Variants in RASGRP3 observed in about 807,000 individuals in gnomAD.
RASGRP3 encodes ras guanyl-releasing protein 3.
RASGRP3 carries 54 observed loss-of-function variants against 82.7 expected under a neutral mutation model. The observed-to-expected ratio is 0.65, with a 90% CI of 0.52 to 0.82. RASGRP3 has a LOEUF of 0.82. RASGRP3 is among the 40% of genes least tolerant of loss of function. The pLI is 0.00. For missense variants in RASGRP3, 861 were observed against 828.9 expected (o/e 1.04, Z -0.48); for synonymous variants, 309 against 300.5 (o/e 1.03, Z -0.29).
At chr2:33,544,610 A>T (rs1335118553) in intron 13 of RASGRP3, among the ~76,000 whole-genome samples, 1 of 152,186 alleles carries the variant, frequency 6.6e-6, no homozygotes, top group Non-Finnish European at 1.5e-5. Flanking sequence ...AATCACCTGT[A>T]AGGAAATGCT....
chr2:33,518,323 G>A (rs1671656476), intron 4 of RASGRP3, among the ~76,000 whole-genome samples: 1 of 152,148 alleles, frequency 6.6e-6, no homozygotes, highest in African/African-American at 2.4e-5. Context: ...TCTAAACATA[G>A]AAAAGGTGCA....
At chr2:33,490,570 T>C (rs1260101615) in intron 1 of RASGRP3, among the ~76,000 whole-genome samples, 1 of 152,248 alleles carries the variant, frequency 6.6e-6, no homozygotes. Context: ...GTTTTCCTTC[T>C]CTTTCTCTGA....
intron 2 of RASGRP3, among the ~76,000 whole-genome samples, chr2:33,464,080 C>A (rs1176409572): frequency 1.4e-5 from 2 of 146,538 alleles, no homozygotes; most frequent in Non-Finnish European, 3.0e-5. Context: ...TTTAGTAATT[C>A]TTGCAATATT....
chr2:33,480,082 G>A (rs972999237), intron 1 of RASGRP3, among the ~76,000 whole-genome samples: 16 of 136,838 alleles, frequency 1.2e-4, no homozygotes, highest in South Asian at 9.2e-4. Context: ...TCGCTCTGTC[G>A]CCCAGGCTGG....
intron 2 of RASGRP3, among the ~76,000 whole-genome samples, chr2:33,514,240 G>A (rs927815258): frequency 6.6e-6 from 1 of 152,088 alleles, no homozygotes; most frequent in African/African-American, 2.4e-5. Flanking sequence ...TGTTACAGTT[G>A]TTGAATATTT....
chr2:33,443,664 T>G (rs1207841743), intron 1 of RASGRP3, among the ~76,000 whole-genome samples: 3 of 149,442 alleles, frequency 2.0e-5, no homozygotes, highest in Non-Finnish European at 4.4e-5. Flanking sequence ...GAAGATCACT[T>G]GAACCCAGGT....
chr2:33,491,422 A>C (rs1668834460), intron 1 of RASGRP3, among the ~76,000 whole-genome samples: 1 of 151,912 alleles, frequency 6.6e-6, no homozygotes, highest in African/African-American at 2.4e-5. Context: ...TAGATTGATT[A>C]ATCAATTGGA....
rs368195372 is a variant in RASGRP3, at chr2:33,462,527, G to A, written c.-261+14584G>A. On this transcript the variant is annotated intron_variant, in intron 2 of 18. Transcript: ENST00000402538. Reference sequence around the variant, plus strand: ...CAAGTAGCTGGAATTACATGCAGCCGCCACCATAGCCCGGCTAGATTTGTA... The same window carrying A: ...CAAGTAGCTGGAATTACATGCAGCCACCACCATAGCCCGGCTAGATTTGTA... Among the ~76,000 whole-genome samples the A allele has an allele frequency of 1.2e-4, 18 of 151,930 alleles. 1 individual carries two copies. The highest frequency in any genetic ancestry group is 5.8e-4 in the East Asian group (3 of 5,176).
chr2:33,493,036 T>A (rs1022581610), intron 1 of RASGRP3: 1 of 152,118 alleles, frequency 6.6e-6, no homozygotes, highest in African/African-American at 2.4e-5. Context: ...TCATGCTGAG[T>A]GTGTACCTCT....
intron 2 of RASGRP3, among the ~76,000 whole-genome samples, chr2:33,513,215 C>A (rs1671107960): frequency 6.6e-6 from 1 of 152,144 alleles, no homozygotes; most frequent in African/African-American, 2.4e-5. Flanking sequence ...AAGAGTGGTA[C>A]CTTCAGCACA....
chr2:33,559,038 C>T lies in RASGRP3; in HGVS notation c.2064+8C>T, dbSNP rs2151118617. ...ACCAGACAGGATGGTGAGGTAAGTG[C>T]TAGGTCAACCCACAAAGAAAACCAG... is the stretch of plus-strand genomic sequence containing the variant. On this transcript the variant is annotated splice_region_variant and intron_variant, in intron 17 of 17. Coordinates refer to ENST00000403687, the MANE Select transcript of RASGRP3 (RefSeq NM_001139488.2). The T allele has an allele frequency of 1.3e-6, 2 of 1,575,408 alleles. No homozygotes were observed. The highest frequency in any genetic ancestry group is 1.7e-4 in the Middle Eastern group (1 of 5,902).
chr2:33,452,278 CT>C (rs1665842179), intron 2 of RASGRP3, among the ~76,000 whole-genome samples: 2 of 152,076 alleles, frequency 1.3e-5, no homozygotes, highest in African/African-American at 4.8e-5. Flanking sequence ...TGGTGTTTCC[CT>C]TATTATTCAC....
intron 11 of RASGRP3, among the ~76,000 whole-genome samples, chr2:33,537,313 C>A: frequency 2.1e-5 from 1 of 46,956 alleles, no homozygotes; most frequent in Non-Finnish European, 3.9e-5. Flanking sequence ...AATACACACA[C>A]ACACACACCG....
chr2:33,507,744 T>G (rs1384544558), intron 1 of RASGRP3, among the ~76,000 whole-genome samples: 4 of 152,176 alleles, frequency 2.6e-5, no homozygotes, highest in African/African-American at 7.2e-5. Flanking sequence ...CAGGCTGGTC[T>G]CGAACTCCTG....
chr2:33,558,221 C>T lies in RASGRP3; in HGVS notation c.1590C>T (p.Ala530=). The change falls in exon 16 of 18, where the codon GCC becomes GCT. Residue 530 remains alanine (A), a synonymous_variant. Coordinates refer to ENST00000403687, the MANE Select transcript of RASGRP3 (RefSeq NM_001139488.2). ...KQGYKCKDCG[A]NCHKQCKDLL... ...CTTGGAATTTTTCAGACTGTGGAGC[C>T]AATTGTCACAAACAGTGCAAAGACC... The T allele has an allele frequency of 6.2e-7, 1 of 1,611,112 alleles. No homozygotes were observed. Among genetic ancestry groups the T allele is most frequent in the Non-Finnish European group, 8.5e-7 (1 of 1,178,728 alleles).
chr2:33,511,734 G>A lies in RASGRP3; in HGVS notation c.-236G>A, dbSNP rs1377594139. ...GGTTCTCCAAAATACTTATCATTCAGGTTGAATAAACCAGTTCTACAGACT... is the reference window on the plus strand; with the variant it reads ...GGTTCTCCAAAATACTTATCATTCAAGTTGAATAAACCAGTTCTACAGACT... On this transcript the variant is annotated 5_prime_UTR_variant, in exon 2 of 18. Coordinates refer to ENST00000403687, the MANE Select transcript of RASGRP3 (RefSeq NM_001139488.2). 1 of 152,510 alleles carries A rather than the reference G, an allele frequency of 6.6e-6. No individual in the cohort carries two copies. The highest frequency in any genetic ancestry group is 1.5e-5 in the Non-Finnish European group (1 of 68,020). The allele number at this position is 152,510 out of a possible 1,614,324, so 9.4% of individuals were successfully genotyped here. A position where few individuals can be genotyped will look rare whatever the true frequency, so the allele number is the denominator to read the frequency against.
At chr2:33,556,482 C>T (rs1675977657) in intron 15 of RASGRP3, among the ~76,000 whole-genome samples, 2 of 88,630 alleles carry the variant, frequency 2.3e-5, no homozygotes, top group South Asian at 6.7e-4. Context: ...CTCCTGACCT[C>T]ATGATCCACC....
chr2:33,511,016 T>C (rs1486513999), intron 1 of RASGRP3, among the ~76,000 whole-genome samples: 1 of 152,206 alleles, frequency 6.6e-6, no homozygotes, highest in African/African-American at 2.4e-5. Context: ...GAACGTCCTT[T>C]TGCTACAAGA....
intron 3 of RASGRP3, among the ~76,000 whole-genome samples, chr2:33,516,175 T>A (rs987129192): frequency 6.6e-6 from 1 of 152,232 alleles, no homozygotes; most frequent in Non-Finnish European, 1.5e-5. Context: ...TTTGGGAGGC[T>A]GAGGTGGGCG....
Sources: gnomAD v4.1 joint callset for allele counts (sites outside exome capture counted in the v4.1 genomes callset) on GRCh38, gnomAD v4.1.1 for gene constraint, MANE v1.5 for transcripts, NCBI Gene and HGNC (gene_info 2026-07-23, HGNC 2026-07-21) for gene names.